The following GCC2 variants were observed in gnomAD, a reference collection of about 807,000 sequenced individuals.
The protein encoded by GCC2 is GRIP and coiled-coil domain-containing protein 2.
In GCC2, 120 loss-of-function variants were observed where a neutral mutation model predicts 210.6. That is an observed-to-expected ratio of 0.57 (90% confidence interval 0.49 to 0.66). GCC2 has a LOEUF of 0.66. GCC2 is among the 30% of genes least tolerant of loss of function. The pLI is 0.00. For synonymous variants in GCC2, 703 were observed against 652.7 expected, an observed-to-expected ratio of 1.08 and a Z score of -1.17; for missense variants, 1,868 against 1,871.9, an observed-to-expected ratio of 1.00 and a Z score of 0.04.
At chr2:108,462,541 TGTC>T (rs1680650251) in intron 4 of GCC2, 4 of 132,168 alleles carry the variant, frequency 3.0e-5, no homozygotes, top group Middle Eastern at 4.5e-3. Flanking sequence ...GAGTTGCATA[TGTC>T]ACAAAGACTT....
intron 22 of GCC2, among the ~76,000 whole-genome samples, chr2:108,503,062 A>C (rs188860265): frequency 5.1e-4 from 77 of 152,368 alleles, no homozygotes; most frequent in African/African-American, 1.7e-3. Flanking sequence ...AAAGGAGAGA[A>C]AAGAATACAG....
In GCC2 at chr2:108,458,385, T is replaced by C. The variant is rs951290906; in HGVS notation, c.216+5919T>C. 6.0e-5 allele frequency among the ~76,000 whole-genome samples: 9 copies of C among 149,010 alleles called. 1 individual carries two copies. The highest frequency in any genetic ancestry group is 1.0e-4 in the Non-Finnish European group (7 of 67,120). Reference sequence around the variant, plus strand: ...TTGGTTGTTGCTTTCTTTTTTTTTTTTTTTTTTTTGCTGTGTCCTTGTCTG... The same window carrying C: ...TTGGTTGTTGCTTTCTTTTTTTTTTCTTTTTTTTTGCTGTGTCCTTGTCTG... On this transcript the variant is annotated intron_variant, in intron 4 of 22. Coordinates refer to ENST00000309863, the MANE Select transcript of GCC2 (RefSeq NM_181453.4).
Position 108,471,957 on chromosome 2 carries a change from G to C in GCC2, c.2628G>C (p.Gln876His). The C allele has an allele frequency of 1.2e-6, 2 of 1,604,150 alleles. No individual in the cohort carries two copies. The highest frequency in any genetic ancestry group is 1.7e-6 in the Non-Finnish European group (2 of 1,177,370). The change falls in exon 6 of 23, where the codon CAG becomes CAC. Residue 876 changes from glutamine to histidine, a missense_variant. Coordinates refer to ENST00000309863, the MANE Select transcript of GCC2 (RefSeq NM_181453.4). Reference protein sequence around the residue: ...NANEKTRLENQNLLIQVEEVS... With the variant: ...NANEKTRLENHNLLIQVEEVS... ...ATGAAAAAACAAGGCTTGAAAATCAGAATCTTTTAATTCAAGTTGAAGAAG... is the reference window on the plus strand; with the variant it reads ...ATGAAAAAACAAGGCTTGAAAATCACAATCTTTTAATTCAAGTTGAAGAAG...
intron 14 of GCC2, 40 bp from the exon 15 acceptor site, chr2:108,485,791 T>C: frequency 6.9e-7 from 1 of 1,447,114 alleles, no homozygotes; most frequent in Non-Finnish European, 9.5e-7. Context: ...TATTTATGAG[T>C]AACATTAAAA....
At chr2:108,497,716 A>G (rs1181081319) in intron 21 of GCC2, among the ~76,000 whole-genome samples, 1 of 152,124 alleles carries the variant, frequency 6.6e-6, no homozygotes, top group East Asian at 1.9e-4. Flanking sequence ...GTTGCAGAAC[A>G]GTTGAGGATT....
At position 108,484,269 on chromosome 2, in the gene GCC2, A is replaced by G. The variant is rs746022977; in HGVS notation, c.3571A>G (p.Lys1191Glu). 6.4e-7 allele frequency: 1 copy of G among 1,552,306 alleles called. No individual in the cohort carries two copies. The highest frequency in any genetic ancestry group is 8.7e-7 in the Non-Finnish European group (1 of 1,147,930). Reference sequence around the variant, plus strand: ...GATAGAAGATTTGGAGCAAGAAATAAAAATTCAAAAACAGAAACAAGAAAC... The same window carrying G: ...GATAGAAGATTTGGAGCAAGAAATAGAAATTCAAAAACAGAAACAAGAAAC... ...NKIEDLEQEI[K>E]IQKQKQETLQ... Residue 1191 changes from lysine to glutamate, a missense_variant, in exon 13 of 23, where the codon AAA becomes GAA. By Grantham distance (56) the Lys-to-Glu change is moderately conservative. Transcript: ENST00000309863.
chr2:108,506,318 ATGG>A (rs1683183648), intron 22 of GCC2, among the ~76,000 whole-genome samples: 1 of 152,270 alleles, frequency 6.6e-6, no homozygotes, highest in South Asian at 2.1e-4. Context: ...GTACAGCAAC[ATGG>A]ATAATTCTCA....
At chr2:108,456,882 G>A (rs138401302) in intron 4 of GCC2, among the ~76,000 whole-genome samples, 139 of 151,222 alleles carry the variant, frequency 9.2e-4, no homozygotes, top group African/African-American at 3.2e-3. Flanking sequence ...CCAGGAGGTT[G>A]AGGCTGCTGT....
chr2:108,480,362 A>AACAGAAATACCATTTGAC (rs1189599319), intron 9 of GCC2, among the ~76,000 whole-genome samples: 1 of 152,204 alleles, frequency 6.6e-6, no homozygotes, highest in Non-Finnish European at 1.5e-5. Context: ...AAGACCTAAA[A>AACAGAAATACCATTTGAC]ACAGAAATAC....
chr2:108,485,895 T>C lies in GCC2; in HGVS notation c.3779T>C (p.Val1260Ala). 6.4e-7 allele frequency: 1 copy of C among 1,562,222 alleles called. No homozygotes were observed. The highest frequency in any genetic ancestry group is 8.7e-7 in the Non-Finnish European group (1 of 1,144,020). Reference sequence around the variant, plus strand: ...GAGCTGGAGGCAAGCCAGCAGCAAGTAGAAGTCTATAAAGTAAGGGTTTTA... The same window carrying C: ...GAGCTGGAGGCAAGCCAGCAGCAAGCAGAAGTCTATAAAGTAAGGGTTTTA... ...KGELEASQQQ[V>A]EVYKIQLAEI... The change falls in exon 15 of 23, where the codon GTA becomes GCA. Residue 1260 changes from valine to alanine, a missense_variant. By Grantham distance (64) the Val-to-Ala change is moderately conservative (BLOSUM62 0). Transcript: ENST00000309863.
At chr2:108,473,886 G>A (rs115595579) in intron 7 of GCC2, among the ~76,000 whole-genome samples, 40 of 152,134 alleles carry the variant, frequency 2.6e-4, no homozygotes, top group Non-Finnish European at 2.1e-4. Flanking sequence ...GAGTGCGGTG[G>A]CTCACGCCTA....
chr2:108,481,224 A>G (rs982730563), intron 9 of GCC2, among the ~76,000 whole-genome samples: 1 of 152,236 alleles, frequency 6.6e-6, no homozygotes, highest in African/African-American at 2.4e-5. Context: ...GTGAGAGACT[A>G]AATCTGTGAA....
At chr2:108,495,521 A>T (rs1340664268) in intron 20 of GCC2, 36 bp downstream of exon 20, 1 of 1,383,156 alleles carries the variant, frequency 7.2e-7, no homozygotes, top group Admixed American at 1.9e-5. Context: ...TTTCTTATTT[A>T]ATTTCACTGT....
intron 4 of GCC2, 94 bp downstream of exon 4, chr2:108,452,560 T>C (rs982931172): frequency 1.3e-6 from 1 of 768,028 alleles, no homozygotes; most frequent in Non-Finnish European, 2.3e-6. Context: ...GTTTCTGTTC[T>C]ACTTCCTCTC....
chr2:108,461,158 C>T (rs891944202), intron 4 of GCC2, among the ~76,000 whole-genome samples: 1 of 152,142 alleles, frequency 6.6e-6, no homozygotes, highest in African/African-American at 2.4e-5. Context: ...ATATCATTCT[C>T]TTATCTCCAA....
rs2104488806 is a variant in GCC2, at chr2:108,487,743, C to A, written c.3975C>A (p.Val1325=). The A allele has an allele frequency of 6.2e-7, 1 of 1,612,946 alleles. No homozygotes were observed. Among genetic ancestry groups the A allele is most frequent in the East Asian group, 2.2e-5 (1 of 44,826 alleles). The change falls in exon 17 of 23, where the codon GTC becomes GTA. Residue 1325 remains valine (V), a synonymous_variant. Coordinates refer to ENST00000309863, the MANE Select transcript of GCC2 (RefSeq NM_181453.4). The stretch of plus-strand genomic sequence containing the variant: ...CCTCTGAATTCGAGAGCTACAAAGT[C>A]CGAGTTCATAATGTTCTAAAACAAC... The part of the protein sequence containing the change: ...TVTSEFESYK[V]RVHNVLKQQK...
intron 4 of GCC2, among the ~76,000 whole-genome samples, chr2:108,468,513 T>A (rs1330529049): frequency 6.6e-6 from 1 of 152,166 alleles, no homozygotes; most frequent in Admixed American, 6.6e-5. Flanking sequence ...ATTAATTTCC[T>A]CTTTAATTTC....
chr2:108,504,560 T>G (rs1279889560), intron 22 of GCC2, among the ~76,000 whole-genome samples: 4 of 152,150 alleles, frequency 2.6e-5, no homozygotes, highest in Non-Finnish European at 2.9e-5. Flanking sequence ...ATTGCTCCTC[T>G]CCTTGCATCA....
chr2:108,475,461 G>T, intron 7 of GCC2, 74 bp from the exon 8 acceptor site: 2 of 619,674 alleles, frequency 3.2e-6, no homozygotes, highest in South Asian at 2.8e-5. Flanking sequence ...AAATAATCTA[G>T]GGCTAAAATA....
Sources: gnomAD v4.1 joint callset for allele counts (sites outside exome capture counted in the v4.1 genomes callset) on GRCh38, gnomAD v4.1.1 for gene constraint, MANE v1.5 for transcripts, NCBI Gene and HGNC (gene_info 2026-07-23, HGNC 2026-07-21) for gene names.